The following PHC2 variants were observed in gnomAD, a reference collection of about 807,000 sequenced individuals.
PHC2 encodes polyhomeotic homolog 2, also known as polyhomeotic-like protein 2.
PHC2 carries 29 observed loss-of-function variants against 87.4 expected under a neutral mutation model. That is an observed-to-expected ratio of 0.33 (90% CI 0.25 to 0.45). The LOEUF (loss-of-function observed/expected upper bound fraction) is 0.45, where lower values mean the gene tolerates loss of function less well. PHC2 is among the 20% of genes least tolerant of loss of function. The pLI is 1.00. For synonymous variants in PHC2, 438 were observed against 461.7 expected, an observed-to-expected ratio of 0.95 and a Z score of 0.66; for missense variants, 857 against 1,136.7, an observed-to-expected ratio of 0.75 and a Z score of 3.54.
chr1:33,370,949 G>T, intron 4 of PHC2, 68 bp downstream of exon 4: 1 of 1,269,704 alleles, frequency 7.9e-7, no homozygotes, highest in Non-Finnish European at 1.2e-6. Flanking sequence ...ACCACAACTG[G>T]GTCTGGGAAC....
intron 9 of PHC2, chr1:33,336,839 G>A (rs1424697269): frequency 6.6e-6 from 1 of 152,258 alleles, no homozygotes; most frequent in Non-Finnish European, 1.5e-5. Context: ...GGTGACAGGT[G>A]TTGCAGCCAG....
Position 33,328,378 on chromosome 1 carries a change from A to ATTTT in PHC2, c.2425+488_2425+491dup, listed in dbSNP as rs10631917. ...ATTTAGTTTACATTTTCTTAATTAA[A>ATTTT]TTTTTTTTTTTTTTTTTTGGTAGAG... is the stretch of plus-strand genomic sequence containing the variant. On this transcript the variant is annotated intron_variant, in intron 14 of 14. Transcript: ENST00000683057. Among the ~76,000 whole-genome samples the ATTTT allele has an allele frequency of 8.6e-3, 1,153 of 133,654 alleles. 45 individuals carry two copies. The highest frequency in any genetic ancestry group is 0.027 in the African/African-American group (945 of 34,978). The allele number at this position is 133,654 out of a possible 152,430, so 87.7% of individuals were successfully genotyped here. A position where few individuals can be genotyped will look rare whatever the true frequency, so the allele number is the denominator to read the frequency against.
At chr1:33,344,220 G>A (rs189117001) in intron 9 of PHC2, among the ~76,000 whole-genome samples, 7 of 152,154 alleles carry the variant, frequency 4.6e-5, no homozygotes, top group South Asian at 2.1e-4. Flanking sequence ...GATTTCTACC[G>A]GTTTACAAAA....
At chr1:33,428,261 A>G (rs1415490999) in intron 1 of PHC2, among the ~76,000 whole-genome samples, 1 of 152,178 alleles carries the variant, frequency 6.6e-6, no homozygotes, top group Non-Finnish European at 1.5e-5. Context: ...CCACATCACA[A>G]ATACAGGATA....
At position 33,330,507 on chromosome 1, in the gene PHC2, C is replaced by T. The variant is rs566527229; in HGVS notation, c.2007-295G>A. 4.6e-5 allele frequency among the ~76,000 whole-genome samples: 7 copies of T among 152,358 alleles called. No homozygotes were observed. The South Asian group carries it at 1.0e-3, about 23-fold the overall frequency. On this transcript the variant is annotated intron_variant, in intron 12 of 14. Transcript: ENST00000683057. ...ACCTGGACTTGGACCAGGGCGAAAG[C>T]TCACACCTGACTTATTCCACTATAA...
In PHC2 at chr1:33,344,860, C is replaced by T. The variant is rs779037916; in HGVS notation, c.1558+9541G>A. ...CTGCGCTCAAGTGATCCTCCTGCCT[C>T]GGCCCCCCAGGCATGAGCCACCGTG... On this transcript the variant is annotated intron_variant, in intron 9 of 14. Coordinates refer to ENST00000683057, the MANE Select transcript of PHC2 (RefSeq NM_001385109.1). Among the ~76,000 whole-genome samples, 6 of 152,162 alleles carry T rather than the reference C, an allele frequency of 3.9e-5. No homozygotes were observed. In the East Asian group the frequency reaches 5.8e-4, roughly 15 times the overall value.
chr1:33,335,831 T>C (rs1173657633), intron 9 of PHC2, among the ~76,000 whole-genome samples: 1 of 137,692 alleles, frequency 7.3e-6, no homozygotes, highest in Non-Finnish European at 1.5e-5. Flanking sequence ...ACCCAGGGGG[T>C]GGAGGCTGCA....
At chr1:33,425,550 A>G (rs189737510) in intron 1 of PHC2, among the ~76,000 whole-genome samples, 2 of 152,342 alleles carry the variant, frequency 1.3e-5, no homozygotes, top group African/African-American at 4.8e-5. Flanking sequence ...GAGATGCTGA[A>G]GTACGAAGAA....
At chr1:33,423,964 G>A (rs927857437) in intron 1 of PHC2, among the ~76,000 whole-genome samples, 1 of 151,986 alleles carries the variant, frequency 6.6e-6, no homozygotes, top group Admixed American at 6.6e-5. Context: ...GGGCATGGTG[G>A]CACACACCTG....
At chr1:33,391,029 G>A (rs1344131004) in intron 1 of PHC2, among the ~76,000 whole-genome samples, 1 of 152,186 alleles carries the variant, frequency 6.6e-6, no homozygotes, top group Non-Finnish European at 1.5e-5. Flanking sequence ...ATCACACATT[G>A]TCCCCTCTTT....
chr1:33,349,239 G>A lies in PHC2; in HGVS notation c.1558+5162C>T. ...CCACCACCAATAAAGTACGGCAGAT[G>A]CCAGCAGTCTCGTCCCCGAACGCAC... On this transcript the variant is annotated intron_variant, in intron 9 of 14. Transcript: ENST00000683057. This position sits in a 1 kb window ranked among gnomAD's most constrained non-coding sequence, Gnocchi z 4.2. 2.0e-6 allele frequency: 2 copies of A among 985,480 alleles called. No individual in the cohort carries two copies. Among genetic ancestry groups the A allele is most frequent in the Non-Finnish European group, 2.4e-6 (2 of 829,966 alleles). The allele number at this position is 985,480 out of a possible 1,614,324, so 61.0% of individuals were successfully genotyped here.
At chr1:33,404,050 G>A (rs1649654314) in intron 1 of PHC2, among the ~76,000 whole-genome samples, 1 of 152,102 alleles carries the variant, frequency 6.6e-6, no homozygotes, top group Non-Finnish European at 1.5e-5. Flanking sequence ...TAGATCTTCA[G>A]CTCAGACCTC....
At chr1:33,423,989 G>A (rs770084662) in intron 1 of PHC2, among the ~76,000 whole-genome samples, 2 of 147,988 alleles carry the variant, frequency 1.4e-5, no homozygotes, top group African/African-American at 2.5e-5. Context: ...CCTGCTATTC[G>A]GGAGGCTGAG....
chr1:33,330,188 C>A lies in PHC2; in HGVS notation c.2031G>T (p.Arg677=). The change falls in exon 13 of 15, where the codon CGG becomes CGT. Residue 677 remains arginine, a synonymous_variant. Transcript: ENST00000683057. ...AKRYNVGCTK[R]VGLFHSDRSK... ...TCCGGTCTGAGTGGAAAAGTCCCACCCGTTTGGTGCATCCCACGTTGTACC... is the reference window on the plus strand; with the variant it reads ...TCCGGTCTGAGTGGAAAAGTCCCACACGTTTGGTGCATCCCACGTTGTACC... 1 of 1,614,172 alleles carries A rather than the reference C, an allele frequency of 6.2e-7. No individual in the cohort carries two copies. Among genetic ancestry groups the A allele is most frequent in the South Asian group, 1.1e-5 (1 of 91,084 alleles).
intron 1 of PHC2, among the ~76,000 whole-genome samples, chr1:33,419,893 G>T (rs1277111865): frequency 6.6e-6 from 1 of 151,546 alleles, no homozygotes; most frequent in South Asian, 2.1e-4. Flanking sequence ...ACAGGCGTGA[G>T]CCACCGCGCC....
intron 1 of PHC2, among the ~76,000 whole-genome samples, chr1:33,384,627 C>T (rs953083964): frequency 6.6e-6 from 1 of 152,164 alleles, no homozygotes; most frequent in Non-Finnish European, 1.5e-5. Flanking sequence ...TTCCCTCTGC[C>T]TGGGCCACTC....
intron 3 of PHC2, 139 bp from the exon 4 acceptor site, chr1:33,371,233 G>A (rs1003553191): frequency 2.9e-6 from 2 of 683,276 alleles, no homozygotes; most frequent in Admixed American, 4.3e-5. Context: ...CTGCCTCTAT[G>A]TGGCCCACAG....
chr1:33,352,381 T>C (rs1186025170), intron 9 of PHC2, among the ~76,000 whole-genome samples: 1 of 152,184 alleles, frequency 6.6e-6, no homozygotes, highest in Non-Finnish European at 1.5e-5. Flanking sequence ...CACCACTTGT[T>C]TTTTTCTATG....
At position 33,368,479 on chromosome 1, in the gene PHC2, G is replaced by C. The variant is rs1647615828; in HGVS notation, c.663+57C>G. ...CTCCTTGTGCCCCTCCCCAGTATCA[G>C]TGCCCCTCTACAGGGGTGCCCACCC... On this transcript the variant is annotated intron_variant, in intron 6 of 14. Transcript: ENST00000683057. This position sits in a 1 kb window ranked among gnomAD's most constrained non-coding sequence, Gnocchi z 6.6. The C allele has an allele frequency of 1.1e-6, 1 of 891,026 alleles. No homozygotes were observed. Among genetic ancestry groups the C allele is most frequent in the African/African-American group, 1.7e-5 (1 of 59,590 alleles). The allele number at this position is 891,026 out of a possible 1,614,324, so 55.2% of individuals were successfully genotyped here.
Sources: gnomAD v4.1 joint callset for allele counts (sites outside exome capture counted in the v4.1 genomes callset) on GRCh38, gnomAD v4.1.1 for gene constraint, Gnocchi (gnomAD v3.1) non-coding constraint, MANE v1.5 for transcripts, NCBI Gene and HGNC (gene_info 2026-07-23, HGNC 2026-07-21) for gene names.